Variants in AKR1C3 observed in about 807,000 individuals in gnomAD.
AKR1C3 encodes aldo-keto reductase family 1 member C3.
In AKR1C3, 48 loss-of-function variants were observed where a neutral mutation model predicts 43.6. That is an observed-to-expected ratio of 1.10 (90% CI 0.87 to 1.40). The LOEUF (loss-of-function observed/expected upper bound fraction) is 1.40, where lower values mean the gene tolerates loss of function less well. Ranked by LOEUF, AKR1C3 falls within the 40% of genes most tolerant of loss-of-function variation. The probability of loss-of-function intolerance (pLI) is 0.00; values close to 1 mark genes in which losing one functional copy is unlikely to be tolerated. For synonymous variants in AKR1C3, 162 were observed against 139.6 expected (o/e 1.16, Z -1.13); for missense variants, 482 against 391.2 (o/e 1.23, Z -1.96).
chr10:5,092,941 C>T (rs1420034256), upstream of AKR1C3, among the ~76,000 whole-genome samples: 4 of 151,952 alleles, frequency 2.6e-5, no homozygotes, highest in African/African-American at 4.8e-5. Flanking sequence ...TGTGTCATGA[C>T]GATTATCAAC....
At chr10:5,096,200 A>G in intron 1 of AKR1C3, 1 of 530,950 alleles carries the variant, frequency 1.9e-6, no homozygotes, top group Non-Finnish European at 3.3e-6. Context: ...CATAACAGTG[A>G]TCAACCAGAG....
chr10:5,054,787 T>C (rs1215675758), intron 1 of AKR1C3, among the ~76,000 whole-genome samples: 1 of 152,164 alleles, frequency 6.6e-6, no homozygotes, highest in Admixed American at 6.5e-5. Flanking sequence ...TTCCCCTCTG[T>C]CTCTTTCTTT....
chr10:5,052,428 G>A (rs891401973), intron 1 of AKR1C3, among the ~76,000 whole-genome samples: 16 of 152,158 alleles, frequency 1.1e-4, no homozygotes, highest in African/African-American at 3.9e-4. Context: ...CTCTTATCTG[G>A]CCCCACCCAC....
At chr10:5,094,401 G>A (rs1839162329), upstream of AKR1C3, 2 of 1,599,578 alleles carry the variant, frequency 1.3e-6, no homozygotes, top group Middle Eastern at 1.7e-4. Context: ...AATCTCTGAG[G>A]AGAAGCAGCA....
At chr10:5,086,579 G>A (rs934165467) in intron 1 of AKR1C3, among the ~76,000 whole-genome samples, 12 of 151,154 alleles carry the variant, frequency 7.9e-5, no homozygotes, top group East Asian at 1.9e-4. Context: ...AGCTCTGTAG[G>A]TGTCTATTAG....
chr10:5,099,685 CCATTTGAT>C, intron 5 of AKR1C3: 1 of 634,186 alleles, frequency 1.6e-6, no homozygotes, highest in Non-Finnish European at 2.5e-6. Flanking sequence ...TAGGGGAGGT[CCATTTGAT>C]CAGGGAGGCC....
At chr10:5,058,486 A>G (rs782700130) in intron 1 of AKR1C3, among the ~76,000 whole-genome samples, 17 of 152,172 alleles carry the variant, frequency 1.1e-4, no homozygotes, top group Non-Finnish European at 2.2e-4. Context: ...ATGCATTCCA[A>G]GGGTGAGCCT....
chr10:5,098,701 C>G lies in AKR1C3; in HGVS notation c.370-101C>G, dbSNP rs1588355991. 21 of 870,610 alleles carry G rather than the reference C, an allele frequency of 2.4e-5. No homozygotes were observed. The South Asian group carries it at 2.9e-4, about 12-fold the overall frequency. 53.9% of individuals were successfully genotyped at this position (870,610 alleles called of 1,614,324 possible). ...ATCACTTTCTGGAGCATTGTACCAC[C>G]TGTCTCATGGAGGATTAGTGTCCTT... On this transcript the variant is annotated intron_variant, in intron 3 of 8. Coordinates refer to ENST00000380554, the MANE Select transcript of AKR1C3 (RefSeq NM_003739.6).
chr10:5,050,440 T>C (rs1417873064), intron 1 of AKR1C3, among the ~76,000 whole-genome samples: 1 of 152,274 alleles, frequency 6.6e-6, no homozygotes, highest in South Asian at 2.1e-4. Context: ...TTGAAGGTTT[T>C]AGTAGTCATA....
upstream of AKR1C3, chr10:5,094,360 G>T: frequency 6.2e-6 from 5 of 805,098 alleles, no homozygotes; most frequent in South Asian, 2.7e-5. Context: ...TGCAGGGGTG[G>T]GGGGAGGGGT....
At chr10:5,086,712 A>C (rs1194406684) in intron 1 of AKR1C3, among the ~76,000 whole-genome samples, 1 of 152,138 alleles carries the variant, frequency 6.6e-6, no homozygotes, top group Non-Finnish European at 1.5e-5. Flanking sequence ...TGGGAATCTA[A>C]GTCTCTTTGT....
At chr10:5,102,940 G>C (rs1050779830) in intron 7 of AKR1C3, among the ~76,000 whole-genome samples, 1 of 140,504 alleles carries the variant, frequency 7.1e-6, no homozygotes, top group Non-Finnish European at 1.6e-5. Flanking sequence ...TGTTTGTTTG[G>C]TTTTGGTTTT....
chr10:5,068,896 A>T (rs1037877558), intron 1 of AKR1C3, among the ~76,000 whole-genome samples: 2 of 152,258 alleles, frequency 1.3e-5, no homozygotes, highest in Non-Finnish European at 2.9e-5. Context: ...CCAAAGAAGC[A>T]GTTTATGACC....
In AKR1C3 at chr10:5,096,675, G is replaced by C. The variant is rs35888676; in HGVS notation, c.252+98G>C. 5,862 of 1,462,140 alleles carry C rather than the reference G, an allele frequency of 4.0e-3. 18 individuals are homozygous for C. Among genetic ancestry groups the C allele is most frequent in the Non-Finnish European group, 5.0e-3 (5,546 of 1,103,804 alleles). The allele number at this position is 1,462,140 out of a possible 1,614,324, so 90.6% of individuals were successfully genotyped here. A position where few individuals can be genotyped will look rare whatever the true frequency, so the allele number is the denominator to read the frequency against. ...GGATGAGTAGTTGTGGGTGAATTTT[G>C]CTTCTGGGTTCAAATTTATTCACAC... On this transcript the variant is annotated intron_variant, in intron 2 of 8. Transcript: ENST00000380554.
At chr10:5,083,848 A>G (rs1178615132) in intron 1 of AKR1C3, among the ~76,000 whole-genome samples, 1 of 151,990 alleles carries the variant, frequency 6.6e-6, no homozygotes, top group African/African-American at 2.4e-5. Flanking sequence ...GCATTTTTTC[A>G]TGTATTTTTT....
chr10:5,106,388 T>C (rs1428995091), intron 8 of AKR1C3, among the ~76,000 whole-genome samples: 3 of 152,192 alleles, frequency 2.0e-5, no homozygotes, highest in African/African-American at 7.2e-5. Context: ...TGATAAAAGA[T>C]CTTTACTATT....
At chr10:5,055,840 A>G (rs772102919) in intron 1 of AKR1C3, among the ~76,000 whole-genome samples, 38 of 152,268 alleles carry the variant, frequency 2.5e-4, no homozygotes, top group Middle Eastern at 3.4e-3. Context: ...GGGCCTGGCT[A>G]TCTTGCTGTA....
intron 3 of AKR1C3, 62 bp from the exon 4 acceptor site, chr10:5,098,740 G>A (rs2131842037): frequency 1.4e-6 from 2 of 1,385,022 alleles, no homozygotes; most frequent in Middle Eastern, 1.8e-4. Context: ...GGTACCTGGG[G>A]TTACAGCTAT....
At chr10:5,101,235 T>C (rs1207197377) in intron 5 of AKR1C3, among the ~76,000 whole-genome samples, 2 of 152,204 alleles carry the variant, frequency 1.3e-5, no homozygotes, top group Non-Finnish European at 2.9e-5. Flanking sequence ...TGGGTGATAA[T>C]TCCTAACAGA....
Sources: gnomAD v4.1 joint callset for allele counts (sites outside exome capture counted in the v4.1 genomes callset) on GRCh38, gnomAD v4.1.1 for gene constraint, MANE v1.5 for transcripts, NCBI Gene and HGNC (gene_info 2026-07-23, HGNC 2026-07-21) for gene names.